Variants in AGBL3 observed in about 807,000 individuals in gnomAD.
The protein encoded by AGBL3 is cytosolic carboxypeptidase 3.
A neutral mutation model predicts 94.5 loss-of-function variants in AGBL3; 68 were observed. That is an observed-to-expected ratio of 0.72 (90% CI 0.59 to 0.88). The LOEUF is 0.88. Ranked by LOEUF, AGBL3 falls within the 40% of genes least tolerant of loss-of-function variation. The pLI is 0.00. For synonymous variants in AGBL3, 354 were observed against 370.7 expected, an observed-to-expected ratio of 0.95 and a Z score of 0.52; for missense variants, 934 against 1,103.8, an observed-to-expected ratio of 0.85 and a Z score of 2.18.
intron 4 of AGBL3, among the ~76,000 whole-genome samples, chr7:135,007,529 G>A (rs1319135552): frequency 6.6e-6 from 1 of 151,892 alleles, no homozygotes; most frequent in Non-Finnish European, 1.5e-5. Context: ...GAAAGGAAAG[G>A]CGTCTATGGA....
intron 16 of AGBL3, among the ~76,000 whole-genome samples, chr7:135,134,071 G>A (rs1170040892): frequency 6.6e-6 from 1 of 152,086 alleles, no homozygotes. Context: ...AGGAATTAAG[G>A]AGGGGATGGG....
chr7:135,111,370 G>A (rs928388308), intron 15 of AGBL3, among the ~76,000 whole-genome samples: 3 of 152,062 alleles, frequency 2.0e-5, no homozygotes, highest in Non-Finnish European at 4.4e-5. Context: ...TGTTTCTACT[G>A]TTGCCATACC....
At chr7:135,010,296 G>GT (rs760455127) in intron 4 of AGBL3, 3,387 of 250,614 alleles carry the variant, frequency 0.014, 94 homozygotes, top group African/African-American at 0.064. Flanking sequence ...AAAGTGCTGG[G>GT]TTTTTTTTTG....
At chr7:134,991,193 TG>T (rs1810198976) in intron 3 of AGBL3, among the ~76,000 whole-genome samples, 1 of 68,172 alleles carries the variant, frequency 1.5e-5, no homozygotes, top group South Asian at 6.6e-4. Context: ...GAGACATTTG[TG>T]TGTGGGTGGG....
intron 16 of AGBL3, among the ~76,000 whole-genome samples, chr7:135,118,270 T>C (rs887445317): frequency 2.6e-5 from 4 of 152,214 alleles, no homozygotes; most frequent in Non-Finnish European, 4.4e-5. Flanking sequence ...CCAATCCTCA[T>C]TGAGTGCATT....
At chr7:135,015,704 C>T (rs1813692170) in intron 4 of AGBL3, among the ~76,000 whole-genome samples, 2 of 151,828 alleles carry the variant, frequency 1.3e-5, no homozygotes, top group Admixed American at 6.6e-5. Context: ...GTCTGGATTT[C>T]GTGCAACTTT....
intron 16 of AGBL3, among the ~76,000 whole-genome samples, chr7:135,132,458 T>A (rs1027826541): frequency 6.6e-5 from 10 of 152,140 alleles, no homozygotes; most frequent in Middle Eastern, 3.2e-3. Context: ...TTCGACAGAA[T>A]TCAGTACCCA....
intron 12 of AGBL3, among the ~76,000 whole-genome samples, chr7:135,074,980 C>T (rs1225723967): frequency 6.6e-6 from 1 of 152,062 alleles, no homozygotes; most frequent in African/African-American, 2.4e-5. Flanking sequence ...AAACATAATA[C>T]CAATTAAATT....
chr7:135,108,219 G>A (rs1825060061), intron 15 of AGBL3, among the ~76,000 whole-genome samples: 3 of 152,220 alleles, frequency 2.0e-5, no homozygotes, highest in Admixed American at 1.3e-4. Context: ...TTACATTCAA[G>A]GTTAGTATTG....
intron 16 of AGBL3, among the ~76,000 whole-genome samples, chr7:135,132,626 AT>A (rs1033901172): frequency 6.6e-6 from 1 of 152,190 alleles, no homozygotes; most frequent in Non-Finnish European, 1.5e-5. Context: ...GGTGGAGATA[AT>A]TGAATCACGG....
Position 135,135,324 on chromosome 7 carries a change from G to A in AGBL3, c.*63G>A, listed in dbSNP as rs1417189798. 4.5e-6 allele frequency: 6 copies of A among 1,330,538 alleles called. No individual in the cohort carries two copies. The South Asian group carries it at 1.2e-4, about 27-fold the overall frequency. 82.4% of individuals were successfully genotyped at this position (1,330,538 alleles called of 1,614,324 possible). A position where few individuals can be genotyped will look rare whatever the true frequency, so the allele number is the denominator to read the frequency against. ...ATAACATATGCTTATGTAGTAAAAA[G>A]AAAAAAAGGAAAGCCCTCCCCTTCC... On this transcript the variant is annotated 3_prime_UTR_variant, in exon 17 of 17. Transcript: ENST00000436302.
At chr7:135,081,855 T>TC in intron 15 of AGBL3, 65 bp downstream of exon 15, 1 of 1,055,192 alleles carries the variant, frequency 9.5e-7, no homozygotes, top group Non-Finnish European at 1.4e-6. Context: ...TATTTTTCTC[T>TC]CTAGCTCTAG....
At chr7:135,113,307 T>C (rs963990764) in intron 15 of AGBL3, among the ~76,000 whole-genome samples, 3 of 152,146 alleles carry the variant, frequency 2.0e-5, no homozygotes, top group Non-Finnish European at 4.4e-5. Flanking sequence ...AAAGTAGAAA[T>C]AGAATAATGA....
At chr7:135,080,292 A>G (rs1820807809) in intron 14 of AGBL3, 32 bp downstream of exon 14, 2 of 1,525,282 alleles carry the variant, frequency 1.3e-6, no homozygotes, top group Non-Finnish European at 1.8e-6. Context: ...CTCATAAACA[A>G]TTAATTCATT....
rs1828445825 is a variant in AGBL3 at position 135,129,620 on chromosome 7, A to G, written c.2343-5221A>G. On this transcript the variant is annotated intron_variant, in intron 16 of 16. Coordinates refer to ENST00000436302, the MANE Select transcript of AGBL3 (RefSeq NM_178563.4). ...ACAAACATTTCACTGATCCTGCTTCAACATGTCTTAAACAGCTGTTTTATG... is the reference window on the plus strand; with the variant it reads ...ACAAACATTTCACTGATCCTGCTTCGACATGTCTTAAACAGCTGTTTTATG... 5 of 776,772 alleles carry G rather than the reference A, an allele frequency of 6.4e-6. No homozygotes were observed. The South Asian group carries it at 6.7e-5, about 10-fold the overall frequency. The allele number at this position is 776,772 out of a possible 1,614,324, so 48.1% of individuals were successfully genotyped here.
chr7:135,071,683 T>C (rs549036476), intron 12 of AGBL3, among the ~76,000 whole-genome samples: 4 of 152,302 alleles, frequency 2.6e-5, no homozygotes, highest in South Asian at 2.1e-4. Flanking sequence ...ATTTAATAAA[T>C]GGTGCTGGGA....
At chr7:135,103,640 A>G (rs1355372795) in intron 15 of AGBL3, among the ~76,000 whole-genome samples, 3 of 152,084 alleles carry the variant, frequency 2.0e-5, no homozygotes, top group Non-Finnish European at 2.9e-5. Flanking sequence ...TTCACATTCT[A>G]TCTCAGTAGG....
intron 16 of AGBL3, 129 bp from the exon 17 acceptor site, chr7:135,134,712 A>T: frequency 1.1e-6 from 1 of 882,812 alleles, no homozygotes; most frequent in Non-Finnish European, 1.7e-6. Context: ...ATGATGGTAA[A>T]ATTCTTAAAC....
intron 1 of AGBL3, among the ~76,000 whole-genome samples, chr7:134,987,297 T>G (rs1467552304): frequency 2.6e-5 from 4 of 152,222 alleles, no homozygotes; most frequent in African/African-American, 9.7e-5. Flanking sequence ...TATTCCCTGG[T>G]CTTGATATTA....
Sources: gnomAD v4.1 joint callset for allele counts (sites outside exome capture counted in the v4.1 genomes callset) on GRCh38, gnomAD v4.1.1 for gene constraint, MANE v1.5 for transcripts, NCBI Gene and HGNC (gene_info 2026-07-23, HGNC 2026-07-21) for gene names.